Variants in DCDC1 observed in about 807,000 individuals in gnomAD.
DCDC1 encodes the protein doublecortin domain containing 1.
DCDC1 carries 200 observed loss-of-function variants against 178.3 expected under a neutral mutation model. The observed-to-expected ratio is 1.12, with a 90% CI of 1.00 to 1.26. DCDC1 has a LOEUF of 1.26. DCDC1 is among the 50% of genes most tolerant of loss of function. The probability of loss-of-function intolerance (pLI) is 0.00; values close to 1 mark genes in which losing one functional copy is unlikely to be tolerated. For missense variants in DCDC1, 1,983 were observed against 1,749.2 expected, an observed-to-expected ratio of 1.13 and a Z score of -2.38; for synonymous variants, 690 against 604.8, an observed-to-expected ratio of 1.14 and a Z score of -2.07.
At chr11:31,031,371 T>C (rs758833302) in intron 20 of DCDC1, among the ~76,000 whole-genome samples, 1 of 152,182 alleles carries the variant, frequency 6.6e-6, no homozygotes, top group Non-Finnish European at 1.5e-5. Flanking sequence ...AATGTTAAAA[T>C]ATCTGAGATC....
At chr11:31,048,220 G>A (rs1052103897) in intron 20 of DCDC1, among the ~76,000 whole-genome samples, 8 of 151,578 alleles carry the variant, frequency 5.3e-5, no homozygotes, top group Non-Finnish European at 1.0e-4. Context: ...AGTGCTCAAT[G>A]AGCATTTATC....
intron 38 of DCDC1, among the ~76,000 whole-genome samples, chr11:30,870,698 T>G (rs1215847449): frequency 6.6e-6 from 1 of 152,212 alleles, no homozygotes; most frequent in African/African-American, 2.4e-5. Flanking sequence ...AAGTGTTACT[T>G]AAGATCTCAA....
chr11:31,189,056 T>C (rs923273010), intron 9 of DCDC1, among the ~76,000 whole-genome samples: 3 of 152,176 alleles, frequency 2.0e-5, no homozygotes, highest in Admixed American at 6.5e-5. Flanking sequence ...CCGAATTTGT[T>C]GGTGCCTTCA....
chr11:31,232,945 G>A (rs1419091095), intron 9 of DCDC1, among the ~76,000 whole-genome samples: 3 of 151,906 alleles, frequency 2.0e-5, no homozygotes, highest in South Asian at 2.1e-4. Context: ...AAAATTAGCC[G>A]GGCATGGTGG....
At chr11:31,081,328 G>C (rs1957153412) in intron 17 of DCDC1, among the ~76,000 whole-genome samples, 1 of 152,100 alleles carries the variant, frequency 6.6e-6, no homozygotes, top group Non-Finnish European at 1.5e-5. Flanking sequence ...AAAGAAATAA[G>C]GCCGGGCATG....
intron 20 of DCDC1, among the ~76,000 whole-genome samples, chr11:31,050,748 G>C (rs2135408732): frequency 6.6e-6 from 1 of 152,262 alleles, no homozygotes; most frequent in Non-Finnish European, 1.5e-5. Flanking sequence ...ACCCAGAAGA[G>C]AGACAACAAT....
At chr11:31,044,705 A>C (rs901091763) in intron 20 of DCDC1, among the ~76,000 whole-genome samples, 1 of 152,212 alleles carries the variant, frequency 6.6e-6, no homozygotes, top group Non-Finnish European at 1.5e-5. Context: ...CAGAGCATCC[A>C]GATAACAGTC....
At chr11:30,984,612 C>G (rs1279683388) in intron 20 of DCDC1, among the ~76,000 whole-genome samples, 1 of 152,158 alleles carries the variant, frequency 6.6e-6, no homozygotes, top group Admixed American at 6.6e-5. Context: ...TTCATATCCT[C>G]AAACAAAGGT....
At chr11:31,142,726 T>C (rs1371683102) in intron 9 of DCDC1, among the ~76,000 whole-genome samples, 1 of 152,186 alleles carries the variant, frequency 6.6e-6, no homozygotes, top group Admixed American at 6.5e-5. Flanking sequence ...GTATTTGATC[T>C]TAATAATTGT....
chr11:30,870,682 G>T (rs1941463371), intron 38 of DCDC1, among the ~76,000 whole-genome samples: 1 of 152,154 alleles, frequency 6.6e-6, no homozygotes, highest in Non-Finnish European at 1.5e-5. Context: ...ACTTGATTAT[G>T]TTCAGAAGTG....
intron 20 of DCDC1, among the ~76,000 whole-genome samples, chr11:30,996,788 T>C (rs1951297433): frequency 6.6e-6 from 1 of 152,180 alleles, no homozygotes; most frequent in Non-Finnish European, 1.5e-5. Flanking sequence ...GGTATTTTGT[T>C]AGAGCTTCAC....
intron 20 of DCDC1, among the ~76,000 whole-genome samples, chr11:30,953,780 GC>G (rs1948577533): frequency 6.6e-6 from 1 of 151,998 alleles, no homozygotes; most frequent in African/African-American, 2.4e-5. Context: ...CAATACTTGT[GC>G]ATGAAAGTTC....
At chr11:31,181,451 C>A (rs546974101) in intron 9 of DCDC1, among the ~76,000 whole-genome samples, 1 of 152,328 alleles carries the variant, frequency 6.6e-6, no homozygotes, top group African/African-American at 2.4e-5. Flanking sequence ...TTGACAGACA[C>A]CACATACAGG....
intron 9 of DCDC1, among the ~76,000 whole-genome samples, chr11:31,169,872 A>G (rs568052479): frequency 6.6e-6 from 1 of 152,312 alleles, no homozygotes; most frequent in East Asian, 1.9e-4. Context: ...GGTCTTGGAG[A>G]GACAAAGATT....
chr11:30,956,948 A>C (rs1948804413), intron 20 of DCDC1, among the ~76,000 whole-genome samples: 1 of 152,088 alleles, frequency 6.6e-6, no homozygotes, highest in South Asian at 2.1e-4. Context: ...CCCATTTCTC[A>C]ATGTCTGCTG....
intron 15 of DCDC1, among the ~76,000 whole-genome samples, chr11:31,095,152 G>A (rs1160447169): frequency 6.6e-6 from 1 of 152,170 alleles, no homozygotes; most frequent in Non-Finnish European, 1.5e-5. Flanking sequence ...ATTCCATGGT[G>A]TATATGTGCC....
intron 34 of DCDC1, among the ~76,000 whole-genome samples, chr11:30,894,727 C>T (rs917145865): frequency 1.3e-5 from 2 of 152,164 alleles, no homozygotes; most frequent in Non-Finnish European, 2.9e-5. Flanking sequence ...TCCTATCATC[C>T]TTCTAGTCTT....
chr11:31,091,612 C>A (rs907973563), intron 16 of DCDC1, 101 bp from the exon 17 acceptor site: 3 of 645,014 alleles, frequency 4.7e-6, no homozygotes, highest in Non-Finnish European at 8.4e-6. Flanking sequence ...GCCTGGATAA[C>A]CCTGGATATT....
At chr11:31,045,996 G>A (rs565837520) in intron 20 of DCDC1, among the ~76,000 whole-genome samples, 58 of 152,204 alleles carry the variant, frequency 3.8e-4, no homozygotes, top group Admixed American at 1.7e-3. Flanking sequence ...CACTAGTTAT[G>A]CATGCACTCA....
Sources: gnomAD v4.1 joint callset for allele counts (sites outside exome capture counted in the v4.1 genomes callset) on GRCh38, gnomAD v4.1.1 for gene constraint, MANE v1.5 for transcripts, NCBI Gene and HGNC (gene_info 2026-07-23, HGNC 2026-07-21) for gene names.